Variants in PDE1A observed in about 807,000 individuals in gnomAD.
PDE1A encodes dual specificity calcium/calmodulin-dependent 3',5'-cyclic nucleotide phosphodiesterase 1A.
Under a neutral mutation model 61.7 loss-of-function variants are expected in PDE1A, and 35 were observed. The ratio of observed to expected loss-of-function variants is 0.57; its 90% CI spans 0.43 to 0.75. The LOEUF is 0.75. Among genes scored for constraint, PDE1A ranks in the 30% least tolerant of loss-of-function variants. PDE1A has a pLI of 0.00. For missense variants in PDE1A, 597 were observed against 630.6 expected, an observed-to-expected ratio of 0.95 and a Z score of 0.57; for synonymous variants, 232 against 213.2, an observed-to-expected ratio of 1.09 and a Z score of -0.77.
chr2:182,301,440 AGTTGG>A (rs1239167044), intron 1 of PDE1A, among the ~76,000 whole-genome samples: 6 of 152,172 alleles, frequency 3.9e-5, no homozygotes. Context: ...GAAGTGACCC[AGTTGG>A]GTGATGTGTG....
downstream of PDE1A, chr2:182,167,768 T>G (rs6721984): frequency 2.4e-5 from 9 of 381,962 alleles, no homozygotes; most frequent in Non-Finnish European, 3.2e-5. Context: ...CACTATAATA[T>G]AAACATGTTT....
intron 13 of PDE1A, among the ~76,000 whole-genome samples, chr2:182,153,839 G>A (rs1690923728): frequency 6.6e-6 from 1 of 152,176 alleles, no homozygotes; most frequent in Non-Finnish European, 1.5e-5. Flanking sequence ...TGAGTCTGAT[G>A]TTGGAGATAC....
intron 2 of PDE1A, among the ~76,000 whole-genome samples, chr2:182,434,539 G>A (rs1704114293): frequency 6.6e-6 from 1 of 151,928 alleles, no homozygotes; most frequent in South Asian, 2.1e-4. Flanking sequence ...TGAAAATGAA[G>A]CCCTTTTTTT....
At chr2:182,701,508 G>T in the PDE1A span, among the ~76,000 whole-genome samples, 9 of 151,646 alleles carry the variant, frequency 5.9e-5, no homozygotes, top group South Asian at 4.2e-4. Flanking sequence ...AGCCTCCCAA[G>T]TAGCTGGGAT....
the PDE1A span, among the ~76,000 whole-genome samples, chr2:182,578,852 C>A: frequency 6.6e-6 from 1 of 152,080 alleles, no homozygotes; most frequent in Non-Finnish European, 1.5e-5. Context: ...TATTATCAGC[C>A]TCTTCTTAGA....
chr2:182,236,048 C>T (rs1177186794), intron 3 of PDE1A, among the ~76,000 whole-genome samples: 1 of 152,194 alleles, frequency 6.6e-6, no homozygotes, highest in African/African-American at 2.4e-5. Flanking sequence ...CTAGCCTAGG[C>T]TTTCTTGATG....
chr2:182,638,227 CTAAA>C, the PDE1A span, among the ~76,000 whole-genome samples: 1 of 152,060 alleles, frequency 6.6e-6, no homozygotes, highest in Admixed American at 6.5e-5. Context: ...TTAGTTCAAA[CTAAA>C]TAATTAAAAT....
intron 13 of PDE1A, among the ~76,000 whole-genome samples, chr2:182,158,603 T>C (rs1691219827): frequency 6.6e-6 from 1 of 152,212 alleles, no homozygotes; most frequent in African/African-American, 2.4e-5. Flanking sequence ...TGAGTTGATA[T>C]TAACTTGACT....
chr2:182,654,862 C>T, the PDE1A span, among the ~76,000 whole-genome samples: 4 of 152,262 alleles, frequency 2.6e-5, no homozygotes, highest in Admixed American at 2.6e-4. Context: ...AGCTGTACCT[C>T]TAATGGGCTT....
chr2:182,470,232 T>C (rs1045128426), intron 2 of PDE1A, among the ~76,000 whole-genome samples: 3 of 151,826 alleles, frequency 2.0e-5, no homozygotes, highest in African/African-American at 7.3e-5. Flanking sequence ...TCAGTAAATT[T>C]AGTGAAAGAA....
Position 182,201,421 on chromosome 2 carries a change from A to ATT in PDE1A, c.1125+17_1125+18insAA. ...TCACTATTTCCAAAAACATTTGCAC[A>ATT]GAGTGTGAAAGAGGCACCTGCAGGA... On this transcript the variant is annotated intron_variant, in intron 10 of 13. Coordinates refer to ENST00000351439, the Ensembl canonical transcript of PDE1A. The ATT allele has an allele frequency of 1.2e-6, 2 of 1,613,020 alleles. No homozygotes were observed. Among genetic ancestry groups the ATT allele is most frequent in the Non-Finnish European group, 1.7e-6 (2 of 1,179,520 alleles).
At chr2:182,326,628 G>C (rs1408174004) in intron 1 of PDE1A, among the ~76,000 whole-genome samples, 5 of 152,300 alleles carry the variant, frequency 3.3e-5, no homozygotes, top group Admixed American at 2.0e-4. Context: ...TTCTGGAGAT[G>C]GATGGGGTGA....
chr2:182,460,222 T>C (rs770909547), intron 2 of PDE1A, among the ~76,000 whole-genome samples: 2 of 152,168 alleles, frequency 1.3e-5, no homozygotes, highest in Non-Finnish European at 2.9e-5. Flanking sequence ...TCTCATACCT[T>C]GAAGCCTTCA....
At chr2:182,471,484 T>C (rs1409903796) in intron 2 of PDE1A, among the ~76,000 whole-genome samples, 3 of 151,686 alleles carry the variant, frequency 2.0e-5, no homozygotes, top group Non-Finnish European at 4.4e-5. Flanking sequence ...GAAACTAGTT[T>C]TTGAGTGTAG....
At chr2:182,518,829 A>C (rs1690377345) in intron 2 of PDE1A, among the ~76,000 whole-genome samples, 1 of 152,130 alleles carries the variant, frequency 6.6e-6, no homozygotes, top group Admixed American at 6.6e-5. Flanking sequence ...TTTCTACCTG[A>C]AAAATGCTCA....
intron 2 of PDE1A, among the ~76,000 whole-genome samples, chr2:182,506,804 A>C (rs1220331733): frequency 1.3e-5 from 2 of 152,170 alleles, no homozygotes; most frequent in Non-Finnish European, 2.9e-5. Context: ...GGGCAACAGG[A>C]TGTGTGGGGA....
At chr2:182,328,586 C>T (rs7595025) in intron 1 of PDE1A, among the ~76,000 whole-genome samples, 96,995 of 152,040 alleles carry the variant, frequency 0.64, 32,590 homozygotes, top group Middle Eastern at 0.76. Context: ...ACTTGAAGGA[C>T]GAGATGCAAC....
intron 13 of PDE1A, among the ~76,000 whole-genome samples, chr2:182,181,447 G>A (rs897578079): frequency 6.6e-6 from 1 of 152,168 alleles, no homozygotes; most frequent in African/African-American, 2.4e-5. Context: ...ATTGCTGTCT[G>A]CTCCTTCCTC....
At chr2:182,376,973 C>T (rs1700446469) in intron 1 of PDE1A, among the ~76,000 whole-genome samples, 1 of 152,146 alleles carries the variant, frequency 6.6e-6, no homozygotes, top group African/African-American at 2.4e-5. Context: ...CCCCATGATT[C>T]AAATTATCTT....
Sources: gnomAD v4.1 joint callset for allele counts (sites outside exome capture counted in the v4.1 genomes callset) on GRCh38, gnomAD v4.1.1 for gene constraint, MANE v1.5 for transcripts, NCBI Gene and HGNC (gene_info 2026-07-23, HGNC 2026-07-21) for gene names.